Variants in BACH2 observed in about 807,000 individuals in gnomAD.
BACH2 encodes transcription regulator protein BACH2.
In BACH2, 5 loss-of-function variants were observed where a neutral mutation model predicts 61.8. The ratio of observed to expected loss-of-function variants is 0.08; its 90% CI spans 0.04 to 0.17. The LOEUF (loss-of-function observed/expected upper bound fraction) is 0.17, where lower values mean the gene tolerates loss of function less well. Among genes scored for constraint, BACH2 ranks in the 10% least tolerant of loss-of-function variants. The probability of loss-of-function intolerance (pLI) is 1.00; values close to 1 mark genes in which losing one functional copy is unlikely to be tolerated. For synonymous variants in BACH2, 446 were observed against 440.1 expected, an observed-to-expected ratio of 1.01 and a Z score of -0.17; for missense variants, 824 against 1,091.1, an observed-to-expected ratio of 0.76 and a Z score of 3.45.
chr6:90,258,505 C>T (rs1771055723), intron 2 of BACH2, among the ~76,000 whole-genome samples: 1 of 152,102 alleles, frequency 6.6e-6, no homozygotes, highest in Admixed American at 6.5e-5. Flanking sequence ...TATAATACCT[C>T]CAACTTTGTT....
At chr6:89,974,885 T>C (rs1306807764) in intron 6 of BACH2, among the ~76,000 whole-genome samples, 1 of 152,204 alleles carries the variant, frequency 6.6e-6, no homozygotes, top group Non-Finnish European at 1.5e-5. Flanking sequence ...ATGGTAGCTT[T>C]TAAAGCAAGT....
chr6:90,030,823 A>T (rs1264632956), intron 5 of BACH2, among the ~76,000 whole-genome samples: 1 of 152,022 alleles, frequency 6.6e-6, no homozygotes, highest in African/African-American at 2.4e-5. Flanking sequence ...CAATCAATAG[A>T]AAAAGAGGGA....
At chr6:90,221,923 A>G (rs1769747258) in intron 3 of BACH2, among the ~76,000 whole-genome samples, 1 of 152,208 alleles carries the variant, frequency 6.6e-6, no homozygotes. Context: ...AAATGTCATG[A>G]TATAGCTTAG....
intron 4 of BACH2, among the ~76,000 whole-genome samples, chr6:90,134,175 A>G (rs1314239916): frequency 1.3e-5 from 2 of 151,950 alleles, no homozygotes; most frequent in Non-Finnish European, 1.5e-5. Flanking sequence ...AAGTGTTCCT[A>G]TTTCTCCACA....
rs1224795043 is a variant in BACH2, at chr6:90,246,869, T to C, written c.-275+5644A>G. 2.6e-5 allele frequency among the ~76,000 whole-genome samples: 4 copies of C among 152,206 alleles called. No individual in the cohort carries two copies. The East Asian group carries it at 7.7e-4, about 29-fold the overall frequency. ...GAATTTGATAAGGAAAATGAAACTT[T>C]ACACTAAAATTGTTAGGTAGAGCAT... On this transcript the variant is annotated intron_variant, in intron 3 of 8. Transcript: ENST00000257749.
At chr6:90,098,138 T>C (rs1347301309) in intron 4 of BACH2, among the ~76,000 whole-genome samples, 1 of 152,230 alleles carries the variant, frequency 6.6e-6, no homozygotes, top group African/African-American at 2.4e-5. Flanking sequence ...ATGCACTGCA[T>C]CTAGATGGAG....
At chr6:90,078,954 C>T (rs1562426585) in intron 5 of BACH2, among the ~76,000 whole-genome samples, 5 of 152,148 alleles carry the variant, frequency 3.3e-5, no homozygotes. Flanking sequence ...CCTCTTGACT[C>T]ATCCATTTTA....
intron 3 of BACH2, among the ~76,000 whole-genome samples, chr6:90,223,332 G>T (rs1000086024): frequency 1.3e-5 from 2 of 152,130 alleles, no homozygotes; most frequent in Non-Finnish European, 2.9e-5. Context: ...AATTACAACA[G>T]AGCATTAAGT....
At chr6:90,203,515 T>C (rs1426908834) in intron 4 of BACH2, among the ~76,000 whole-genome samples, 1 of 151,748 alleles carries the variant, frequency 6.6e-6, no homozygotes, top group Non-Finnish European at 1.5e-5. Flanking sequence ...GGAAAGATGG[T>C]CAAGTCTGCA....
intron 7 of BACH2, among the ~76,000 whole-genome samples, chr6:89,946,512 T>C (rs890927016): frequency 2.0e-5 from 3 of 152,362 alleles, no homozygotes; most frequent in Non-Finnish European, 4.4e-5. Context: ...AAAATGTTTA[T>C]TGCAGCAATG....
chr6:90,247,234 T>TTTC (rs1210807503), intron 3 of BACH2, among the ~76,000 whole-genome samples: 1 of 151,878 alleles, frequency 6.6e-6, no homozygotes, highest in Non-Finnish European at 1.5e-5. Flanking sequence ...TATCAATTTC[T>TTTC]TTCTTCTTCT....
At chr6:89,937,599 C>T (rs1773105733) in intron 8 of BACH2, among the ~76,000 whole-genome samples, 1 of 152,086 alleles carries the variant, frequency 6.6e-6, no homozygotes, top group Non-Finnish European at 1.5e-5. Context: ...GCGTGATCTC[C>T]ACTCACTGCA....
chr6:90,034,020 AAAG>A (rs1277122289), intron 5 of BACH2, among the ~76,000 whole-genome samples: 1 of 152,182 alleles, frequency 6.6e-6, no homozygotes, highest in Admixed American at 6.5e-5. Context: ...GACAACTGGA[AAAG>A]AAGATTAGAC....
intron 7 of BACH2, among the ~76,000 whole-genome samples, chr6:89,944,858 T>C (rs902708735): frequency 1.3e-5 from 2 of 152,210 alleles, no homozygotes; most frequent in African/African-American, 4.8e-5. Context: ...TAAGTAGAAA[T>C]GGTCCAGTTA....
At chr6:90,079,482 A>G (rs989099152) in intron 5 of BACH2, among the ~76,000 whole-genome samples, 1 of 152,200 alleles carries the variant, frequency 6.6e-6, no homozygotes, top group African/African-American at 2.4e-5. Flanking sequence ...TCTTCCTTCC[A>G]TCAACACAAT....
At chr6:90,184,609 G>A (rs1405840511) in intron 4 of BACH2, among the ~76,000 whole-genome samples, 2 of 152,200 alleles carry the variant, frequency 1.3e-5, no homozygotes, top group Non-Finnish European at 2.9e-5. Flanking sequence ...GAAGTTTCAT[G>A]AAAGAAATGG....
In BACH2 at chr6:89,932,168, C is replaced by G; in HGVS notation, c.*240G>C. Reference sequence around the variant, plus strand: ...AGACTGAAATTGAGCCACAGACAGACAGTGTCATCACTGCTGTCTTTCCTT... The same window carrying G: ...AGACTGAAATTGAGCCACAGACAGAGAGTGTCATCACTGCTGTCTTTCCTT... On this transcript the variant is annotated 3_prime_UTR_variant, in exon 9 of 9. Transcript: ENST00000257749. 1 of 471,238 alleles carries G rather than the reference C, an allele frequency of 2.1e-6. No individual in the cohort carries two copies. Among genetic ancestry groups the G allele is most frequent in the Non-Finnish European group, 3.8e-6 (1 of 264,782 alleles). 29.2% of individuals were successfully genotyped at this position (471,238 alleles called of 1,614,324 possible).
intron 5 of BACH2, among the ~76,000 whole-genome samples, chr6:90,084,547 T>C (rs1781851764): frequency 1.3e-5 from 2 of 151,936 alleles, no homozygotes; most frequent in Non-Finnish European, 2.9e-5. Flanking sequence ...AGTTTTTTTT[T>C]TTTTTTGGTA....
chr6:89,991,663 A>AT (rs1246988428), intron 6 of BACH2, among the ~76,000 whole-genome samples: 20 of 152,144 alleles, frequency 1.3e-4, no homozygotes, highest in Admixed American at 1.3e-4. Context: ...ATAAATTAAT[A>AT]TATAGTCTAC....
Sources: allele counts gnomAD v4.1 joint callset (sites outside exome capture counted in the v4.1 genomes callset), GRCh38; gene constraint gnomAD v4.1.1; transcripts MANE v1.5; gene names NCBI Gene and HGNC (gene_info 2026-07-23, HGNC 2026-07-21).